ATXN7: variants seen among roughly 807,000 people sequenced by gnomAD.
The protein encoded by ATXN7 is ataxin 7.
In ATXN7, 12 loss-of-function variants were observed where a neutral mutation model predicts 70.5. The observed-to-expected ratio is 0.17, with a 90% CI of 0.11 to 0.28. The LOEUF is 0.28. ATXN7 is among the 10% of genes least tolerant of loss of function. The probability of loss-of-function intolerance (pLI) is 1.00; values close to 1 mark genes in which losing one functional copy is unlikely to be tolerated. For missense variants in ATXN7, 1,256 were observed against 1,131.7 expected (o/e 1.11, Z -1.58); for synonymous variants, 498 against 448.7 (o/e 1.11, Z -1.39).
At chr3:63,892,560 T>A (rs908503341) in intron 1 of ATXN7, among the ~76,000 whole-genome samples, 1 of 152,036 alleles carries the variant, frequency 6.6e-6, no homozygotes, top group Non-Finnish European at 1.5e-5. Flanking sequence ...TTGCCTCTTA[T>A]CCCTCCTTCT....
chr3:63,911,134 TGTGAAACATGC>T (rs1405319122), intron 2 of ATXN7, among the ~76,000 whole-genome samples: 2 of 152,298 alleles, frequency 1.3e-5, no homozygotes, highest in East Asian at 1.9e-4. Context: ...ACTACTGCAG[TGTGAAACATGC>T]GTGAAACATG....
intron 8 of ATXN7, among the ~76,000 whole-genome samples, chr3:63,986,632 A>G (rs2075582670): frequency 6.6e-6 from 1 of 152,222 alleles, no homozygotes; most frequent in African/African-American, 2.4e-5. Context: ...CAAACAAAAC[A>G]AAGTTCCTGG....
At chr3:63,996,988 G>A (rs2075770904) in intron 12 of ATXN7, among the ~76,000 whole-genome samples, 1 of 152,196 alleles carries the variant, frequency 6.6e-6, no homozygotes, top group African/African-American at 2.4e-5. Flanking sequence ...TGGGTGCAGC[G>A]GCTCACGCCT....
intron 4 of ATXN7, among the ~76,000 whole-genome samples, chr3:63,949,463 A>G (rs1245654202): frequency 2.0e-5 from 3 of 152,068 alleles, no homozygotes; most frequent in African/African-American, 4.8e-5. Flanking sequence ...CAGTGGCGCA[A>G]TCTTGGCTCA....
intron 1 of ATXN7, among the ~76,000 whole-genome samples, chr3:63,886,710 A>G (rs1475620096): frequency 3.3e-5 from 5 of 152,204 alleles, no homozygotes; most frequent in Non-Finnish European, 7.3e-5. Flanking sequence ...AAAAAAGACT[A>G]TGGCAAGGAC....
intron 2 of ATXN7, among the ~76,000 whole-genome samples, chr3:63,906,177 T>G (rs1455458936): frequency 6.6e-6 from 1 of 152,142 alleles, no homozygotes; most frequent in African/African-American, 2.4e-5. Flanking sequence ...GGAGTGCAAG[T>G]TTTTGTGGAA....
chr3:63,881,484 ATTTTTTTTTTT>A (rs909777356), intron 1 of ATXN7, among the ~76,000 whole-genome samples: 1 of 120,802 alleles, frequency 8.3e-6, no homozygotes, highest in African/African-American at 3.1e-5. Flanking sequence ...TGGTTGGAGC[ATTTTTTTTTTT>A]TTTTTTTTTT....
chr3:63,987,771 G>T (rs778595949), intron 8 of ATXN7, among the ~76,000 whole-genome samples: 2 of 151,892 alleles, frequency 1.3e-5, no homozygotes, highest in African/African-American at 4.8e-5. Flanking sequence ...TAGCGCTAAT[G>T]GTTGCTCTTA....
chr3:63,997,654 T>C, intron 12 of ATXN7: 1 of 1,552,300 alleles, frequency 6.4e-7, no homozygotes, highest in South Asian at 1.2e-5. Flanking sequence ...AACAGGAATT[T>C]CAGCAACATC....
rs1035626678 is a variant in ATXN7, at chr3:64,002,654, T to G, written c.*3187T>G. 6 of 152,214 alleles carry G rather than the reference T, an allele frequency of 3.9e-5. No individual in the cohort carries two copies. The highest frequency in any genetic ancestry group is 6.5e-5 in the Admixed American group (1 of 15,270). The allele number at this position is 152,214 out of a possible 1,614,324, so 9.4% of individuals were successfully genotyped here. On this transcript the variant is annotated 3_prime_UTR_variant, in exon 13 of 13. Transcript: ENST00000674280. The stretch of plus-strand genomic sequence containing the variant: ...AAGACTTGAATGTTCAGTTGAACTT[T>G]TGGAGTTTGCTTTTTCCACCTAAAT...
chr3:63,923,881 G>T (rs1035574130), intron 4 of ATXN7, among the ~76,000 whole-genome samples: 1 of 152,182 alleles, frequency 6.6e-6, no homozygotes, highest in African/African-American at 2.4e-5. Flanking sequence ...GGGAAATAAT[G>T]CTGACAAGGT....
At chr3:63,942,721 T>C (rs1252840749) in intron 4 of ATXN7, among the ~76,000 whole-genome samples, 1 of 152,144 alleles carries the variant, frequency 6.6e-6, no homozygotes, top group Non-Finnish European at 1.5e-5. Context: ...ATAGTAAAAA[T>C]AGAAATGATT....
At chr3:63,946,464 C>G (rs1262481279) in intron 4 of ATXN7, among the ~76,000 whole-genome samples, 2 of 151,990 alleles carry the variant, frequency 1.3e-5, no homozygotes, top group Admixed American at 1.3e-4. Context: ...ACAGTGAAAC[C>G]CGTTCTCTAC....
At chr3:63,887,288 A>C (rs1391233749) in intron 1 of ATXN7, among the ~76,000 whole-genome samples, 1 of 152,150 alleles carries the variant, frequency 6.6e-6, no homozygotes, top group Non-Finnish European at 1.5e-5. Flanking sequence ...GGCTTTGTTT[A>C]ATTTGCATCT....
intron 4 of ATXN7, among the ~76,000 whole-genome samples, chr3:63,913,454 T>C (rs1179328890): frequency 6.6e-6 from 1 of 152,108 alleles, no homozygotes; most frequent in Non-Finnish European, 1.5e-5. Context: ...GGAGCAGCAT[T>C]ATTGGTGATG....
rs778724737 is a variant in ATXN7, at chr3:63,982,310, C to A, written c.877C>A (p.Pro293Thr). Residue 293 changes from proline to threonine, a missense_variant, in exon 7 of 13, where the codon CCC (proline) becomes ACC (threonine). By Grantham distance (38) the Pro-to-Thr change is conservative. Coordinates refer to ENST00000674280, the MANE Select transcript of ATXN7 (RefSeq NM_001377405.1). ...SSLVKPGLNC[P>T]SIPKPTLPSP... ...CTTAGTCAAGCCTGGCCTTAACTGC[C>A]CCTCAATACCAAAGCCAACCTTGCC... 2.5e-6 allele frequency: 4 copies of A among 1,614,036 alleles called. No homozygotes were observed. The African/African-American group carries it at 4.0e-5, about 16-fold the overall frequency.
intron 1 of ATXN7, among the ~76,000 whole-genome samples, chr3:63,872,642 C>G (rs1258138982): frequency 6.6e-6 from 1 of 152,206 alleles, no homozygotes; most frequent in African/African-American, 2.4e-5. Flanking sequence ...AAAGATACCC[C>G]CTCTTGATGG....
intron 4 of ATXN7, among the ~76,000 whole-genome samples, chr3:63,941,155 T>C (rs1325337212): frequency 2.0e-5 from 3 of 152,220 alleles, no homozygotes; most frequent in Non-Finnish European, 4.4e-5. Flanking sequence ...GGGGTCACTA[T>C]TGATAATATT....
chr3:63,991,821 TA>T (rs35134788), intron 11 of ATXN7, among the ~76,000 whole-genome samples: 402 of 142,058 alleles, frequency 2.8e-3, no homozygotes, highest in Non-Finnish European at 2.7e-3. Context: ...GCCTTTCCTG[TA>T]AAAAAAAAAA....
Sources: gnomAD v4.1 joint callset for allele counts (sites outside exome capture counted in the v4.1 genomes callset) on GRCh38, gnomAD v4.1.1 for gene constraint, MANE v1.5 for transcripts, NCBI Gene and HGNC (gene_info 2026-07-23, HGNC 2026-07-21) for gene names.